The following NAP1L4 variants were observed in gnomAD, a reference collection of about 807,000 sequenced individuals.
NAP1L4 encodes nucleosome assembly protein 1-like 4.
Under a neutral mutation model 58.2 loss-of-function variants are expected in NAP1L4, and 15 were observed. That is an observed-to-expected ratio of 0.26 (90% confidence interval 0.17 to 0.40). The LOEUF is 0.40. Among genes scored for constraint, NAP1L4 ranks in the 10% least tolerant of loss-of-function variants. The pLI is 1.00. For missense variants in NAP1L4, 384 were observed against 451.1 expected, an observed-to-expected ratio of 0.85 and a Z score of 1.35; for synonymous variants, 171 against 155.6, an observed-to-expected ratio of 1.10 and a Z score of -0.74.
At position 2,949,183 on chromosome 11, in the gene NAP1L4, G is replaced by A; in HGVS notation, c.*32+44C>T. On this transcript the variant is annotated intron_variant, in intron 15 of 15. Transcript: ENST00000380542. The surrounding 1 kb of genome is among the most constrained non-coding windows in gnomAD (Gnocchi z 4.0). ...AAAACAATGCATTGTATAAAGTATAGATCAGAAGTTTGGAAGTTAGGTATG... is the reference window on the plus strand; with the variant it reads ...AAAACAATGCATTGTATAAAGTATAAATCAGAAGTTTGGAAGTTAGGTATG... The A allele has an allele frequency of 1.4e-6, 2 of 1,457,844 alleles. No individual in the cohort carries two copies. Among genetic ancestry groups the A allele is most frequent in the Non-Finnish European group, 1.9e-6 (2 of 1,040,580 alleles). 90.3% of individuals were successfully genotyped at this position (1,457,844 alleles called of 1,614,324 possible).
chr11:2,972,581 C>T (rs1241142064), intron 4 of NAP1L4, among the ~76,000 whole-genome samples: 2 of 152,198 alleles, frequency 1.3e-5, no homozygotes. Context: ...CCAGGTTTTA[C>T]GAGGCTAAGG....
intron 7 of NAP1L4, among the ~76,000 whole-genome samples, chr11:2,965,345 C>T (rs753072523): frequency 6.6e-6 from 1 of 152,206 alleles, no homozygotes; most frequent in Non-Finnish European, 1.5e-5. Context: ...ATTGCTCCTA[C>T]GCTGCAAACC....
chr11:2,991,907 C>A (rs1260723605), intron 1 of NAP1L4: 1 of 152,240 alleles, frequency 6.6e-6, no homozygotes, highest in Non-Finnish European at 1.5e-5. Context: ...CGCCTCTCGC[C>A]GTCTTCGCCT....
intron 10 of NAP1L4, chr11:2,958,129 G>A: frequency 1.6e-6 from 1 of 631,074 alleles, no homozygotes; most frequent in Non-Finnish European, 2.9e-6. Flanking sequence ...AGAACTGCAA[G>A]TTTTTGCCTG....
rs528080510 is a variant in NAP1L4, at chr11:2,985,527, TAAC to T, written c.-17-6293_-17-6291del. 7.2e-5 allele frequency among the ~76,000 whole-genome samples: 11 copies of T among 152,336 alleles called. No homozygotes were observed. In the East Asian group the frequency reaches 2.1e-3, roughly 29 times the overall value. Reference sequence around the variant, plus strand: ...ATCTATACAACCTGGTGACTATAGTTAACAACAATGTATCACATAATTGAAAAA... The same window carrying T: ...ATCTATACAACCTGGTGACTATAGTTAACAATGTATCACATAATTGAAAAA... On this transcript the variant is annotated intron_variant, in intron 1 of 15. Transcript: ENST00000380542.
chr11:2,978,210 G>T, intron 3 of NAP1L4, 74 bp downstream of exon 3: 1 of 1,406,492 alleles, frequency 7.1e-7, no homozygotes, highest in Non-Finnish European at 9.9e-7. Flanking sequence ...TCCTTTACTT[G>T]CATTAATAAA....
intron 15 of NAP1L4, among the ~76,000 whole-genome samples, chr11:2,947,887 A>C (rs1564970819): frequency 6.6e-6 from 1 of 152,268 alleles, no homozygotes. Flanking sequence ...CTGGCGAAGA[A>C]GCCCCAAGTG....
rs772987193 is a variant in NAP1L4 at position 2,955,788 on chromosome 11, CAT to C, written c.893-24_893-23del. The C allele has an allele frequency of 2.5e-6, 4 of 1,610,272 alleles. No individual in the cohort carries two copies. In the African/African-American group the frequency reaches 4.0e-5, roughly 16 times the overall value. ...GATGCTAGAAAAAGAAAAGACAAAA[CAT>C]ATTTAAATTACAGTGACAACTCCCA... On this transcript the variant is annotated intron_variant, in intron 10 of 15. Transcript: ENST00000380542. This position sits in a 1 kb window ranked among gnomAD's most constrained non-coding sequence, Gnocchi z 4.2.
chr11:2,965,539 TAC>T (rs1405023594), intron 7 of NAP1L4, among the ~76,000 whole-genome samples: 1 of 152,154 alleles, frequency 6.6e-6, no homozygotes, highest in Admixed American at 6.5e-5. Flanking sequence ...AAACTCACAA[TAC>T]ACACAGTCAC....
chr11:2,989,640 CA>C (rs1298213864), intron 1 of NAP1L4, among the ~76,000 whole-genome samples: 1 of 152,132 alleles, frequency 6.6e-6, no homozygotes, highest in Admixed American at 6.5e-5. Context: ...ATCAACTGCT[CA>C]AAAGAAGGAA....
intron 7 of NAP1L4, among the ~76,000 whole-genome samples, chr11:2,968,738 C>T (rs1281252857): frequency 6.6e-6 from 1 of 152,198 alleles, no homozygotes; most frequent in Non-Finnish European, 1.5e-5. Flanking sequence ...GCAGAGCCTG[C>T]AGCTGTCCTG....
chr11:2,990,404 C>T (rs1297132947), intron 1 of NAP1L4: 1 of 152,212 alleles, frequency 6.6e-6, no homozygotes, highest in African/African-American at 2.4e-5. Context: ...CCCATTCTAT[C>T]ACCACGTTGC....
rs1048475634 is a variant in NAP1L4, at chr11:2,955,838, G to C, written c.893-72C>G. The C allele has an allele frequency of 7.2e-7, 1 of 1,385,288 alleles. No individual in the cohort carries two copies. The allele number at this position is 1,385,288 out of a possible 1,614,324, so 85.8% of individuals were successfully genotyped here. A position where few individuals can be genotyped will look rare whatever the true frequency, so the allele number is the denominator to read the frequency against. ...CCAGAATTTTAAAGCCCACACAGGAGGAAGCTGTGCTGGTAGATAAAATGT... is the reference window on the plus strand; with the variant it reads ...CCAGAATTTTAAAGCCCACACAGGACGAAGCTGTGCTGGTAGATAAAATGT... On this transcript the variant is annotated intron_variant, in intron 10 of 15. Coordinates refer to ENST00000380542, the MANE Select transcript of NAP1L4 (RefSeq NM_005969.4). The surrounding 1 kb of genome is among the most constrained non-coding windows in gnomAD (Gnocchi z 4.2).
At chr11:2,952,775 C>T (rs1420633690) in intron 12 of NAP1L4, 2 of 152,216 alleles carry the variant, frequency 1.3e-5, no homozygotes, top group Admixed American at 1.3e-4. Flanking sequence ...TTCCAAGGCT[C>T]TAAGGACAGC....
chr11:2,966,195 A>G (rs2133954095), intron 7 of NAP1L4, among the ~76,000 whole-genome samples: 1 of 152,350 alleles, frequency 6.6e-6, no homozygotes, highest in South Asian at 2.1e-4. Flanking sequence ...GTTGTATGTA[A>G]TAATTGTACT....
At position 2,969,188 on chromosome 11, in the gene NAP1L4, G is replaced by A. The variant is rs184992139; in HGVS notation, c.534+615C>T. Among the ~76,000 whole-genome samples, 1,339 of 151,874 alleles carry A rather than the reference G, an allele frequency of 8.8e-3. 11 individuals carry two copies. The highest frequency in any genetic ancestry group is 0.024 in the Middle Eastern group (7 of 294). Reference sequence around the variant, plus strand: ...CTATTTTTTGTAGAGATGGGATTTCGCGATGCTGCCCAGGCTGGTCTCAAA... The same window carrying A: ...CTATTTTTTGTAGAGATGGGATTTCACGATGCTGCCCAGGCTGGTCTCAAA... On this transcript the variant is annotated intron_variant, in intron 7 of 15. Coordinates refer to ENST00000380542, the MANE Select transcript of NAP1L4 (RefSeq NM_005969.4).
At chr11:2,969,481 T>G (rs1368944102) in intron 7 of NAP1L4, among the ~76,000 whole-genome samples, 1 of 152,124 alleles carries the variant, frequency 6.6e-6, no homozygotes, top group Non-Finnish European at 1.5e-5. Flanking sequence ...AGATGGGCTC[T>G]GGAATCTATT....
intron 3 of NAP1L4, among the ~76,000 whole-genome samples, chr11:2,978,056 T>C (rs1031361386): frequency 6.6e-6 from 1 of 152,196 alleles, no homozygotes; most frequent in Non-Finnish European, 1.5e-5. Context: ...TCACTGATGG[T>C]AGCTACAAGA....
rs200179608 is a variant in NAP1L4 at position 2,951,275 on chromosome 11, G to A, written c.1106C>T (p.Ala369Val). The A allele has an allele frequency of 1.6e-4, 265 of 1,613,770 alleles. No homozygotes were observed. The highest frequency in any genetic ancestry group is 2.0e-4 in the Non-Finnish European group (241 of 1,179,878). ...GDEEGEDEDD[A>V]EINPKV ...GTTACCAACCTTGGGGTTAATTTCCGCATCATCCTCGTCTTCTCCCTCCTC... is the reference window on the plus strand; with the variant it reads ...GTTACCAACCTTGGGGTTAATTTCCACATCATCCTCGTCTTCTCCCTCCTC... The change falls in exon 14 of 16, where the codon GCG (alanine) becomes GTG (valine). Residue 369 changes from alanine to valine, a missense_variant. Ala to Val is a moderately conservative substitution (Grantham distance 64, BLOSUM62 0). This residue lies in a region of NAP1L4 where 296 missense variants were observed against 360.8 expected (regional missense o/e 0.82). Coordinates refer to ENST00000380542, the MANE Select transcript of NAP1L4 (RefSeq NM_005969.4). The surrounding 1 kb of genome is among the most constrained non-coding windows in gnomAD (Gnocchi z 4.0).
Sources: allele counts gnomAD v4.1 joint callset (sites outside exome capture counted in the v4.1 genomes callset), GRCh38; gene constraint gnomAD v4.1.1; regional missense constraint gnomAD v4.1.1; non-coding constraint Gnocchi (gnomAD v3.1); transcripts MANE v1.5; gene names NCBI Gene and HGNC (gene_info 2026-07-23, HGNC 2026-07-21).